The following DIS3L2 variants were observed in gnomAD, a reference collection of about 807,000 sequenced individuals.
DIS3L2 encodes the protein DIS3 like 3'-5' exoribonuclease 2.
DIS3L2 carries 34 observed loss-of-function variants against 97.5 expected under a neutral mutation model. The observed-to-expected ratio is 0.35, with a 90% confidence interval of 0.27 to 0.46. The LOEUF is 0.46. DIS3L2 is among the 20% of genes least tolerant of loss of function. The pLI is 1.00. For synonymous variants in DIS3L2, 435 were observed against 445.2 expected, an observed-to-expected ratio of 0.98 and a Z score of 0.29; for missense variants, 1,038 against 1,146.0, an observed-to-expected ratio of 0.91 and a Z score of 1.36.
chr2:232,219,320 C>G (rs749972367), intron 10 of DIS3L2, among the ~76,000 whole-genome samples: 2 of 152,180 alleles, frequency 1.3e-5, no homozygotes, highest in African/African-American at 2.4e-5. Flanking sequence ...TCTCTACTTC[C>G]TGGTTGCTAC....
rs570797402 is a variant in DIS3L2 at position 231,969,180 on chromosome 2, C to T, written c.-94+7415C>T. On this transcript the variant is annotated intron_variant, in intron 1 of 20. Transcript: ENST00000325385. ...ATCAGTGTGAGAATGGACTAATACACTATTAAAATTATATTTTTAAAATTT... is the reference window on the plus strand; with the variant it reads ...ATCAGTGTGAGAATGGACTAATACATTATTAAAATTATATTTTTAAAATTT... Among the ~76,000 whole-genome samples, 30 of 152,066 alleles carry T rather than the reference C, an allele frequency of 2.0e-4. No individual in the cohort carries two copies. The South Asian group carries it at 3.9e-3, about 20-fold the overall frequency.
chr2:232,216,256 G>C (rs938964476), intron 10 of DIS3L2, among the ~76,000 whole-genome samples: 4 of 152,212 alleles, frequency 2.6e-5, no homozygotes, highest in Admixed American at 2.6e-4. Flanking sequence ...CATCTCTACA[G>C]CACTTGGCTC....
At chr2:232,270,915 T>TC (rs61542302) in intron 13 of DIS3L2, among the ~76,000 whole-genome samples, 5 of 101,354 alleles carry the variant, frequency 4.9e-5, no homozygotes, top group African/African-American at 7.5e-5. Context: ...TCTCTCTCTC[T>TC]GTCTCGTCTC....
At chr2:232,142,517 T>A (rs1172422233) in intron 8 of DIS3L2, among the ~76,000 whole-genome samples, 1 of 152,196 alleles carries the variant, frequency 6.6e-6, no homozygotes, top group Non-Finnish European at 1.5e-5. Context: ...CCTCCTCTTA[T>A]ACTCATTAAA....
At chr2:232,089,581 G>C (rs1696777876) in intron 6 of DIS3L2, among the ~76,000 whole-genome samples, 1 of 152,164 alleles carries the variant, frequency 6.6e-6, no homozygotes, top group Non-Finnish European at 1.5e-5. Context: ...TCATTAACAA[G>C]ATCAGCAAGG....
At chr2:232,339,482 C>T (rs1241538141), downstream of DIS3L2, among the ~76,000 whole-genome samples, 1 of 152,144 alleles carries the variant, frequency 6.6e-6, no homozygotes, top group East Asian at 1.9e-4. Context: ...GGACAGGCTG[C>T]GAAAGTCACG....
intron 6 of DIS3L2, among the ~76,000 whole-genome samples, chr2:232,096,170 G>A (rs1328945142): frequency 1.3e-5 from 2 of 149,854 alleles, no homozygotes; most frequent in African/African-American, 2.5e-5. Flanking sequence ...CACTGGAAGC[G>A]CTGCCTCCTG....
intron 1 of DIS3L2, among the ~76,000 whole-genome samples, chr2:232,012,751 A>G (rs1389815038): frequency 2.0e-5 from 3 of 152,130 alleles, no homozygotes; most frequent in Non-Finnish European, 2.9e-5. Flanking sequence ...TCAGGGTAAG[A>G]GTGCCCAGGA....
chr2:231,966,449 C>T (rs1002936771), intron 1 of DIS3L2, among the ~76,000 whole-genome samples: 8 of 151,128 alleles, frequency 5.3e-5, no homozygotes, highest in East Asian at 2.0e-4. Flanking sequence ...GGATTACAGA[C>T]GTGAGCCACT....
chr2:232,149,127 G>T (rs1559679591), intron 8 of DIS3L2, among the ~76,000 whole-genome samples: 1 of 150,158 alleles, frequency 6.7e-6, no homozygotes, highest in Non-Finnish European at 1.5e-5. Context: ...TGCCAAAGAA[G>T]GCTTAAAAAA....
chr2:232,087,536 C>T lies in DIS3L2; in HGVS notation c.416C>T (p.Ser139Leu), dbSNP rs1463611318. The change falls in exon 6 of 21, where the codon TCA becomes TTA. Residue 139 changes from serine to leucine, a missense_variant. By Grantham distance (145) the Ser-to-Leu change is moderately radical (BLOSUM62 -2). This residue lies in a region of DIS3L2 where 813 missense variants were observed against 880.1 expected (regional missense o/e 0.92). Transcript: ENST00000325385. The part of the protein sequence containing the change: ...NDKETEAAYE[S>L]DIPEELCGHH... ...AAAGAAACAGAAGCTGCGTATGAATCAGATATCCCCGAGGAGCTCTGTGGA... is the reference window on the plus strand; with the variant it reads ...AAAGAAACAGAAGCTGCGTATGAATTAGATATCCCCGAGGAGCTCTGTGGA... The T allele has an allele frequency of 5.6e-6, 9 of 1,613,478 alleles. 1 individual carries two copies. In the African/African-American group the frequency reaches 6.7e-5, roughly 12 times the overall value.
intron 6 of DIS3L2, among the ~76,000 whole-genome samples, chr2:232,103,992 TCC>T (rs376332081): frequency 5.9e-5 from 9 of 151,496 alleles, no homozygotes; most frequent in Non-Finnish European, 1.5e-5. Flanking sequence ...CCCTTTCAGG[TCC>T]CCCCCCACCA....
intron 12 of DIS3L2, among the ~76,000 whole-genome samples, chr2:232,255,117 A>C (rs952540892): frequency 6.6e-6 from 1 of 152,202 alleles, no homozygotes; most frequent in African/African-American, 2.4e-5. Flanking sequence ...TGAGTTTAGC[A>C]AGGGCTGGGG....
At position 232,314,742 on chromosome 2, in the gene DIS3L2, C is replaced by T. The variant is rs11691346; in HGVS notation, c.1739+14623C>T. Reference sequence around the variant, plus strand: ...GCCATTTGCTTTCTTCATGTTTTTGCGATGGACTGCAGCTCCCTCCATTCT... The same window carrying T: ...GCCATTTGCTTTCTTCATGTTTTTGTGATGGACTGCAGCTCCCTCCATTCT... On this transcript the variant is annotated intron_variant, in intron 14 of 20. Transcript: ENST00000325385. 2.5e-3 allele frequency among the ~76,000 whole-genome samples: 378 copies of T among 152,304 alleles called. 1 individual carries two copies. The highest frequency in any genetic ancestry group is 4.4e-3 in the Non-Finnish European group (299 of 68,032).
chr2:232,235,499 G>T (rs1692908784), intron 10 of DIS3L2, among the ~76,000 whole-genome samples: 1 of 152,202 alleles, frequency 6.6e-6, no homozygotes, highest in Non-Finnish European at 1.5e-5. Flanking sequence ...CAGAGGCTCT[G>T]CTGGGAATTC....
At chr2:232,239,509 C>T (rs182545258) in intron 11 of DIS3L2, among the ~76,000 whole-genome samples, 2 of 152,284 alleles carry the variant, frequency 1.3e-5, no homozygotes, top group East Asian at 1.9e-4. Flanking sequence ...CTTCCTTCTT[C>T]GGCCATATCT....
chr2:232,133,315 A>G (rs951338068), intron 7 of DIS3L2, among the ~76,000 whole-genome samples: 5 of 152,224 alleles, frequency 3.3e-5, no homozygotes, highest in African/African-American at 9.6e-5. Flanking sequence ...TAAACCAAAC[A>G]TACCAAGATA....
At chr2:232,100,949 C>T (rs10177514) in intron 6 of DIS3L2, among the ~76,000 whole-genome samples, 2 of 151,750 alleles carry the variant, frequency 1.3e-5, no homozygotes. Context: ...AAATTTATGT[C>T]TGGGGGCTGG....
chr2:232,078,228 G>A (rs1357934543), intron 5 of DIS3L2, among the ~76,000 whole-genome samples: 1 of 151,970 alleles, frequency 6.6e-6, no homozygotes, highest in Non-Finnish European at 1.5e-5. Context: ...ATTTTTAATA[G>A]AGATGGGGTT....
Sources: gnomAD v4.1 joint callset for allele counts (sites outside exome capture counted in the v4.1 genomes callset) on GRCh38, gnomAD v4.1.1 for gene constraint, gnomAD v4.1.1 regional missense constraint, MANE v1.5 for transcripts, NCBI Gene and HGNC (gene_info 2026-07-23, HGNC 2026-07-21) for gene names.